CCDC141: variants seen among roughly 807,000 people sequenced by gnomAD.
The protein encoded by CCDC141 is coiled-coil domain-containing protein 141.
CCDC141 carries 168 observed loss-of-function variants against 181.0 expected under a neutral mutation model. That is an observed-to-expected ratio of 0.93 (90% CI 0.82 to 1.05). The LOEUF is 1.05. Among genes scored for constraint, CCDC141 ranks in the 50% least tolerant of loss-of-function variants. CCDC141 has a pLI of 0.00. For synonymous variants in CCDC141, 666 were observed against 642.3 expected, an observed-to-expected ratio of 1.04 and a Z score of -0.56; for missense variants, 1,902 against 1,788.5, an observed-to-expected ratio of 1.06 and a Z score of -1.14.
At chr2:179,015,662 C>T (rs1051401735) in intron 2 of CCDC141, among the ~76,000 whole-genome samples, 24 of 138,800 alleles carry the variant, frequency 1.7e-4, no homozygotes, top group African/African-American at 6.3e-4. Context: ...ATACATATAT[C>T]TCATACATAT....
chr2:179,036,328 C>T (rs1040681581), intron 2 of CCDC141, among the ~76,000 whole-genome samples: 11 of 152,158 alleles, frequency 7.2e-5, no homozygotes, highest in African/African-American at 1.4e-4. Flanking sequence ...GTGTGATATC[C>T]GGAATATTAT....
intron 2 of CCDC141, among the ~76,000 whole-genome samples, chr2:179,042,523 T>C (rs572056048): frequency 7.2e-5 from 11 of 152,294 alleles, no homozygotes; most frequent in African/African-American, 2.6e-4. Flanking sequence ...AATTTTTGTA[T>C]TTTTAATAGA....
In CCDC141 at chr2:178,931,641, T is replaced by C. The variant is rs933852324; in HGVS notation, c.898-12734A>G. On this transcript the variant is annotated intron_variant, in intron 6 of 23. Transcript: ENST00000443758. ...TACATGGACACAGAAAGCAGATTAG[T>C]GGTTGTCAGGGGCCGAGGGGAGAGA... 3.3e-5 allele frequency among the ~76,000 whole-genome samples: 5 copies of C among 152,026 alleles called. No homozygotes were observed. In the East Asian group the frequency reaches 5.8e-4, roughly 18 times the overall value.
rs1273316545 is a variant in CCDC141, at chr2:178,830,524, A to G, written c.*3649T>C. On this transcript the variant is annotated 3_prime_UTR_variant, in exon 24 of 24. Coordinates refer to ENST00000443758, the MANE Select transcript of CCDC141 (RefSeq NM_173648.4). ...AAACAAGCTAGGTTTATCTTTGTTT[A>G]CCTTTGGCAACAATTCAATTCAAAA... is the stretch of plus-strand genomic sequence containing the variant. The G allele has an allele frequency of 6.6e-6, 1 of 152,208 alleles. No individual in the cohort carries two copies. The highest frequency in any genetic ancestry group is 1.5e-5 in the Non-Finnish European group (1 of 68,050). 9.4% of individuals were successfully genotyped at this position (152,208 alleles called of 1,614,324 possible).
At chr2:178,920,487 C>T (rs903547084) in intron 6 of CCDC141, among the ~76,000 whole-genome samples, 3 of 151,974 alleles carry the variant, frequency 2.0e-5, no homozygotes, top group Non-Finnish European at 2.9e-5. Context: ...TTTGGGAGGC[C>T]AAGGCAAGCA....
intron 6 of CCDC141, among the ~76,000 whole-genome samples, chr2:178,939,544 G>C (rs766443688): frequency 5.1e-4 from 77 of 152,112 alleles, no homozygotes; most frequent in Non-Finnish European, 9.9e-4. Flanking sequence ...ACCAGTAAGA[G>C]AGAAAAAACA....
chr2:178,953,842 T>G (rs1257665530), intron 5 of CCDC141, among the ~76,000 whole-genome samples: 1 of 152,264 alleles, frequency 6.6e-6, no homozygotes, highest in Non-Finnish European at 1.5e-5. Flanking sequence ...TACACTCACA[T>G]GTGCCTGTAT....
chr2:179,043,968 C>A (rs1488157698), intron 2 of CCDC141, among the ~76,000 whole-genome samples: 3 of 152,170 alleles, frequency 2.0e-5, no homozygotes, highest in Non-Finnish European at 4.4e-5. Flanking sequence ...TCTCAGGATA[C>A]AAAATCAACG....
the CCDC141 span, among the ~76,000 whole-genome samples, chr2:178,818,149 A>T: frequency 1.3e-5 from 2 of 152,126 alleles, no homozygotes; most frequent in Non-Finnish European, 1.5e-5. Context: ...AGTCTTTCTA[A>T]ACAATGTCAA....
At chr2:178,836,629 A>C in intron 23 of CCDC141, 1 of 321,398 alleles carries the variant, frequency 3.1e-6, no homozygotes, top group Non-Finnish European at 5.7e-6. Context: ...AACACAGAAG[A>C]AAACAAGCAC....
chr2:179,046,651 C>T (rs1330828401), intron 2 of CCDC141, among the ~76,000 whole-genome samples: 5 of 152,194 alleles, frequency 3.3e-5, no homozygotes, highest in Non-Finnish European at 5.9e-5. Context: ...AAAAGCTTTT[C>T]CTTGCTTTTT....
chr2:178,882,920 G>A (rs1450904242), intron 11 of CCDC141, among the ~76,000 whole-genome samples: 1 of 152,094 alleles, frequency 6.6e-6, no homozygotes, highest in Non-Finnish European at 1.5e-5. Context: ...TGGTGAGGAA[G>A]AAAGGAAAGC....
At chr2:178,994,531 T>A (rs1692197594) in intron 2 of CCDC141, among the ~76,000 whole-genome samples, 1 of 152,332 alleles carries the variant, frequency 6.6e-6, no homozygotes, top group East Asian at 1.9e-4. Context: ...CCTCCAGGCC[T>A]GTGATGGGAG....
intron 22 of CCDC141, among the ~76,000 whole-genome samples, chr2:178,844,134 C>T (rs150757367): frequency 2.6e-5 from 4 of 152,190 alleles, no homozygotes; most frequent in Middle Eastern, 3.4e-3. Flanking sequence ...GCTTTGGTAG[C>T]AATAACTTTT....
chr2:179,007,584 A>C (rs2042151107), intron 2 of CCDC141, among the ~76,000 whole-genome samples: 1 of 152,154 alleles, frequency 6.6e-6, no homozygotes, highest in African/African-American at 2.4e-5. Flanking sequence ...CTCTCTAGAC[A>C]CAAAATGTCT....
intron 2 of CCDC141, among the ~76,000 whole-genome samples, chr2:179,008,786 T>C (rs2042182557): frequency 6.6e-6 from 1 of 152,188 alleles, no homozygotes; most frequent in Non-Finnish European, 1.5e-5. Flanking sequence ...ACTATCAGGG[T>C]ACCTGAAAAT....
At chr2:178,900,326 A>C (rs913739446) in intron 8 of CCDC141, among the ~76,000 whole-genome samples, 5 of 152,066 alleles carry the variant, frequency 3.3e-5, no homozygotes, top group Non-Finnish European at 5.9e-5. Context: ...TTAAGACAAA[A>C]AGAGCAAAAG....
intron 2 of CCDC141, among the ~76,000 whole-genome samples, chr2:178,988,615 A>C (rs1691876796): frequency 6.6e-6 from 1 of 152,188 alleles, no homozygotes; most frequent in African/African-American, 2.4e-5. Context: ...AATCAATATA[A>C]AAATTTTATT....
At chr2:178,980,549 GA>G (rs1691330278) in intron 2 of CCDC141, among the ~76,000 whole-genome samples, 1 of 152,190 alleles carries the variant, frequency 6.6e-6, no homozygotes, top group Admixed American at 6.5e-5. Context: ...GCTGAAGCAA[GA>G]AAAAGGTGAC....
Sources: allele counts gnomAD v4.1 joint callset (sites outside exome capture counted in the v4.1 genomes callset), GRCh38; gene constraint gnomAD v4.1.1; transcripts MANE v1.5; gene names NCBI Gene and HGNC (gene_info 2026-07-23, HGNC 2026-07-21).